Variants in GAB2 observed in about 807,000 individuals in gnomAD.
GAB2 encodes GRB2 associated binding protein 2, also known as GRB2-associated-binding protein 2.
In GAB2, 26 loss-of-function variants were observed where a neutral mutation model predicts 65.5. The observed-to-expected ratio is 0.40, with a 90% CI of 0.29 to 0.55. The LOEUF is 0.55. GAB2 is among the 20% of genes least tolerant of loss of function. GAB2 has a pLI of 0.53. For synonymous variants in GAB2, 321 were observed against 329.6 expected, an observed-to-expected ratio of 0.97 and a Z score of 0.28; for missense variants, 884 against 875.8, an observed-to-expected ratio of 1.01 and a Z score of -0.12.
At chr11:78,339,707 T>C (rs1856061709) in intron 1 of GAB2, among the ~76,000 whole-genome samples, 1 of 152,190 alleles carries the variant, frequency 6.6e-6, no homozygotes, top group Non-Finnish European at 1.5e-5. Flanking sequence ...TGTAGATCCC[T>C]AAGAGCAAAC....
chr11:78,309,905 TCA>T (rs1855451977), intron 1 of GAB2, among the ~76,000 whole-genome samples: 1 of 148,760 alleles, frequency 6.7e-6, no homozygotes, highest in African/African-American at 2.6e-5. Flanking sequence ...CCAGTACGGT[TCA>T]CTTTGGGGAG....
intron 3 of GAB2, among the ~76,000 whole-genome samples, chr11:78,246,571 C>T (rs1590963138): frequency 6.6e-6 from 1 of 151,748 alleles, no homozygotes; most frequent in Non-Finnish European, 1.5e-5. Flanking sequence ...TGATCTCGGC[C>T]CACTGCAACC....
intron 5 of GAB2, among the ~76,000 whole-genome samples, chr11:78,223,987 C>T (rs867227218): frequency 4.2e-4 from 64 of 152,232 alleles, no homozygotes; most frequent in African/African-American, 1.5e-3. Flanking sequence ...GAGGCTGAGG[C>T]ACGAGAATCG....
intron 3 of GAB2, among the ~76,000 whole-genome samples, chr11:78,249,224 G>A (rs1353190486): frequency 2.0e-5 from 3 of 152,160 alleles, no homozygotes; most frequent in Non-Finnish European, 4.4e-5. Flanking sequence ...GATAAATTTT[G>A]TATACTGGCT....
intron 1 of GAB2, among the ~76,000 whole-genome samples, chr11:78,326,808 C>A (rs907803030): frequency 1.3e-5 from 2 of 152,120 alleles, no homozygotes; most frequent in African/African-American, 4.8e-5. Context: ...CAAATATATA[C>A]AAAGCAGACA....
rs530706952 is a variant in GAB2 at position 78,287,365 on chromosome 11, A to G, written c.76-6464T>C. On this transcript the variant is annotated intron_variant, in intron 1 of 9. Transcript: ENST00000361507. The stretch of plus-strand genomic sequence containing the variant: ...ATGAACATGGCTCACTGCAGCCTCA[A>G]CCTCCTGGCTCAAGTGAATCTCCCA... Among the ~76,000 whole-genome samples the G allele has an allele frequency of 2.4e-4, 33 of 137,518 alleles. No individual in the cohort carries two copies. In the South Asian group the frequency reaches 7.7e-3, roughly 32 times the overall value. The allele number at this position is 137,518 out of a possible 152,430, so 90.2% of individuals were successfully genotyped here. A position where few individuals can be genotyped will look rare whatever the true frequency, so the allele number is the denominator to read the frequency against.
chr11:78,227,302 A>G (rs900546633), intron 3 of GAB2, among the ~76,000 whole-genome samples: 4 of 152,236 alleles, frequency 2.6e-5, no homozygotes, highest in Non-Finnish European at 5.9e-5. Flanking sequence ...AAGTATCAAT[A>G]AGCCAGATGG....
Position 78,226,770 on chromosome 11 carries a change from G to A in GAB2, c.902C>T (p.Thr301Ile). The A allele has an allele frequency of 6.2e-7, 1 of 1,614,138 alleles. No homozygotes were observed. The highest frequency in any genetic ancestry group is 2.2e-5 in the East Asian group (1 of 44,876). ...GAGGTCCCCGAACTCCCTGCACAGGGTGTTGCTGGGCGTCTTGAAGGTGTA... is the reference window on the plus strand; with the variant it reads ...GAGGTCCCCGAACTCCCTGCACAGGATGTTGCTGGGCGTCTTGAAGGTGTA... ...DVYTFKTPSNTLCREFGDLLV... is the reference protein window; with the variant it reads ...DVYTFKTPSNILCREFGDLLV... Residue 301 changes from threonine to isoleucine, a missense_variant, in exon 4 of 10, where the codon ACC becomes ATC. By Grantham distance (89) the Thr-to-Ile change is moderately conservative (BLOSUM62 -1). Coordinates refer to ENST00000361507, the MANE Select transcript of GAB2 (RefSeq NM_080491.3).
chr11:78,410,049 G>T (rs1857106771), intron 1 of GAB2, among the ~76,000 whole-genome samples: 1 of 151,716 alleles, frequency 6.6e-6, no homozygotes, highest in African/African-American at 2.4e-5. Context: ...AAGTCTCAAG[G>T]AAAGTAAAAA....
At chr11:78,242,513 AAAAG>A (rs1427273338) in intron 3 of GAB2, among the ~76,000 whole-genome samples, 1 of 152,144 alleles carries the variant, frequency 6.6e-6, no homozygotes, top group Non-Finnish European at 1.5e-5. Context: ...AAACAAAAAA[AAAAG>A]AAAAAGAATG....
At chr11:78,345,228 G>A (rs11237460) in intron 1 of GAB2, among the ~76,000 whole-genome samples, 43,717 of 151,830 alleles carry the variant, frequency 0.29, 7,699 homozygotes, top group African/African-American at 0.49. Flanking sequence ...GCAGTGAGTA[G>A]AGTATCGCAC....
intron 1 of GAB2, among the ~76,000 whole-genome samples, chr11:78,380,955 T>C (rs572936767): frequency 6.6e-5 from 10 of 152,324 alleles, no homozygotes; most frequent in African/African-American, 2.4e-4. Flanking sequence ...TTAAAATTTC[T>C]GTGTCTCTGC....
chr11:78,417,577 A>G, intron 1 of GAB2, 69 bp downstream of exon 1: 1 of 616,110 alleles, frequency 1.6e-6, no homozygotes, highest in Non-Finnish European at 2.1e-6. Flanking sequence ...CCCCTCCGGG[A>G]GTCCCCCGCC....
intron 1 of GAB2, among the ~76,000 whole-genome samples, chr11:78,392,908 G>T (rs1185089820): frequency 6.6e-6 from 1 of 152,112 alleles, no homozygotes; most frequent in Non-Finnish European, 1.5e-5. Context: ...CTACTTTCTT[G>T]CAACACTTTC....
At chr11:78,260,885 A>T (rs1056285069) in intron 2 of GAB2, among the ~76,000 whole-genome samples, 1 of 152,170 alleles carries the variant, frequency 6.6e-6, no homozygotes, top group Non-Finnish European at 1.5e-5. Flanking sequence ...GATCCAGACC[A>T]TATCTTTTTC....
chr11:78,216,577 C>T lies in GAB2; in HGVS notation c.*2695G>A, dbSNP rs1041501954. Reference sequence around the variant, plus strand: ...GCACCCGAGGGATTTTGGTAGTTACCAGAATAGGGGGCTGGAAGGAAGCCT... The same window carrying T: ...GCACCCGAGGGATTTTGGTAGTTACTAGAATAGGGGGCTGGAAGGAAGCCT... On this transcript the variant is annotated 3_prime_UTR_variant, in exon 10 of 10. Transcript: ENST00000361507. 1 of 149,452 alleles carries T rather than the reference C, an allele frequency of 6.7e-6. No individual in the cohort carries two copies. Among genetic ancestry groups the T allele is most frequent in the South Asian group, 2.1e-4 (1 of 4,800 alleles). 9.3% of individuals were successfully genotyped at this position (149,452 alleles called of 1,614,324 possible). A position where few individuals can be genotyped will look rare whatever the true frequency, so the allele number is the denominator to read the frequency against.
intron 1 of GAB2, among the ~76,000 whole-genome samples, chr11:78,338,579 C>T (rs1856040933): frequency 1.3e-5 from 2 of 152,208 alleles, no homozygotes; most frequent in Admixed American, 6.5e-5. Flanking sequence ...TTACCATGTG[C>T]GTGGCCAAGG....
chr11:78,348,537 C>T (rs1230860918), intron 1 of GAB2, among the ~76,000 whole-genome samples: 1 of 152,178 alleles, frequency 6.6e-6, no homozygotes, highest in Non-Finnish European at 1.5e-5. Flanking sequence ...CAATGAATAC[C>T]ATGACCTATA....
intron 1 of GAB2, among the ~76,000 whole-genome samples, chr11:78,391,713 T>C (rs1284124923): frequency 6.6e-6 from 1 of 152,198 alleles, no homozygotes; most frequent in Non-Finnish European, 1.5e-5. Flanking sequence ...AGCAGTCAAG[T>C]CACTCTGAGC....
Sources: gnomAD v4.1 joint callset for allele counts (sites outside exome capture counted in the v4.1 genomes callset) on GRCh38, gnomAD v4.1.1 for gene constraint, MANE v1.5 for transcripts, NCBI Gene and HGNC (gene_info 2026-07-23, HGNC 2026-07-21) for gene names.